The following SRSF4 variants were observed in gnomAD, a reference collection of about 807,000 sequenced individuals.
The protein encoded by SRSF4 is serine/arginine-rich splicing factor 4.
SRSF4 carries 12 observed loss-of-function variants against 48.8 expected under a neutral mutation model. That is an observed-to-expected ratio of 0.25 (90% CI 0.16 to 0.40). SRSF4 has a LOEUF of 0.40. SRSF4 is among the 10% of genes least tolerant of loss of function. The pLI is 1.00. For synonymous variants in SRSF4, 248 were observed against 232.5 expected (o/e 1.07, Z -0.61); for missense variants, 466 against 667.1 (o/e 0.70, Z 3.32).
In SRSF4 at chr1:29,148,486, G is replaced by A; in HGVS notation, c.1409C>T (p.Ser470Phe). 6.2e-7 allele frequency: 1 copy of A among 1,614,118 alleles called. No homozygotes were observed. The highest frequency in any genetic ancestry group is 1.3e-5 in the African/African-American group (1 of 75,050). The part of the protein sequence containing the change: ...SRSKSASKTR[S>F]RSKSRSRSAS... ...AGACCTGGATCTAGACTTGGACCGAGATCGGGTTTTTGAAGCTGACTTTGA... is the reference window on the plus strand; with the variant it reads ...AGACCTGGATCTAGACTTGGACCGAAATCGGGTTTTTGAAGCTGACTTTGA... Residue 470 changes from serine (S) to phenylalanine (F), a missense_variant, in exon 6 of 6, where the codon TCT (serine) becomes TTT (phenylalanine). By Grantham distance (155) the Ser-to-Phe change is radical. Transcript: ENST00000373795.
chr1:29,178,267 T>C (rs1385708213), intron 1 of SRSF4, among the ~76,000 whole-genome samples: 2 of 152,064 alleles, frequency 1.3e-5, no homozygotes, highest in African/African-American at 4.8e-5. Flanking sequence ...TATCTACTGA[T>C]ACATCTCACT....
intron 1 of SRSF4, among the ~76,000 whole-genome samples, chr1:29,161,846 G>A (rs1301523138): frequency 2.0e-5 from 3 of 152,190 alleles, no homozygotes; most frequent in Non-Finnish European, 4.4e-5. Flanking sequence ...GCCCTCCTGG[G>A]CCTCCCAAAG....
At chr1:29,159,583 A>G in intron 2 of SRSF4, 97 bp from the exon 3 acceptor site, 1 of 686,856 alleles carries the variant, frequency 1.5e-6, no homozygotes, top group South Asian at 2.0e-5. Context: ...ATTTACCCCC[A>G]CCCCAAACAA....
intron 1 of SRSF4, among the ~76,000 whole-genome samples, chr1:29,179,301 C>T (rs1367254945): frequency 1.3e-5 from 2 of 152,124 alleles, no homozygotes; most frequent in African/African-American, 4.8e-5. Context: ...GTCTTCAACA[C>T]CAATTATGAC....
Position 29,155,512 on chromosome 1 carries a change from CAG to C in SRSF4, c.364-604_364-603del, listed in dbSNP as rs1238226691. ...TCTAAATTTAAAAACAAACAAAAAA[CAG>C]AGTCTTGCTTTGTCGCTCAGGCAGC... On this transcript the variant is annotated intron_variant, in intron 3 of 5. Transcript: ENST00000373795. 2.6e-5 allele frequency among the ~76,000 whole-genome samples: 4 copies of C among 152,270 alleles called. No individual in the cohort carries two copies. In the South Asian group the frequency reaches 6.2e-4, roughly 24 times the overall value.
intron 1 of SRSF4, among the ~76,000 whole-genome samples, chr1:29,179,935 C>CA (rs1216995517): frequency 1.3e-5 from 2 of 152,216 alleles, no homozygotes; most frequent in African/African-American, 4.8e-5. Context: ...ACAGTCTTGT[C>CA]ATTTCCTGCA....
chr1:29,154,593 A>C, intron 4 of SRSF4, 103 bp downstream of exon 4: 1 of 1,097,092 alleles, frequency 9.1e-7, no homozygotes, highest in South Asian at 1.6e-5. Context: ...AACCAGATGG[A>C]ATCATGTTAT....
chr1:29,176,026 G>A (rs1331243706), intron 1 of SRSF4, among the ~76,000 whole-genome samples: 5 of 152,166 alleles, frequency 3.3e-5, no homozygotes, highest in Admixed American at 6.5e-5. Context: ...GCCGAGGCAG[G>A]TGGATCATGA....
intron 1 of SRSF4, among the ~76,000 whole-genome samples, chr1:29,180,839 T>C (rs1401857624): frequency 6.6e-6 from 1 of 152,224 alleles, no homozygotes; most frequent in Admixed American, 6.5e-5. Context: ...TAATAGATCA[T>C]ACTCTGGGGG....
At chr1:29,160,122 A>C (rs981113480) in intron 2 of SRSF4, 19 of 390,152 alleles carry the variant, frequency 4.9e-5, no homozygotes, top group East Asian at 2.8e-4. Flanking sequence ...ACAGAGAAAA[A>C]AACAACAACA....
chr1:29,161,950 CAGAATTGTGG>C (rs1672603597), intron 1 of SRSF4, among the ~76,000 whole-genome samples: 1 of 152,214 alleles, frequency 6.6e-6, no homozygotes, highest in African/African-American at 2.4e-5. Context: ...AGTGAGAACT[CAGAATTGTGG>C]AATTTTTCCT....
intron 1 of SRSF4, 32 bp downstream of exon 1, chr1:29,181,614 C>T: frequency 6.4e-7 from 1 of 1,551,916 alleles, no homozygotes; most frequent in Non-Finnish European, 8.7e-7. Context: ...GGTCTGTCCC[C>T]GCCCGGCCGG....
chr1:29,154,393 C>T (rs534148949), intron 4 of SRSF4: 13 of 298,028 alleles, frequency 4.4e-5, no homozygotes, highest in African/African-American at 2.2e-4. Flanking sequence ...GATGGGGTTT[C>T]ACCATATTGG....
intron 3 of SRSF4, among the ~76,000 whole-genome samples, chr1:29,155,242 A>C (rs956482788): frequency 2.6e-5 from 4 of 152,118 alleles, no homozygotes; most frequent in Non-Finnish European, 5.9e-5. Context: ...ACCAGCCTTG[A>C]CAACACAGAA....
chr1:29,173,996 C>T (rs955102741), intron 1 of SRSF4, among the ~76,000 whole-genome samples: 3 of 151,350 alleles, frequency 2.0e-5, no homozygotes, highest in African/African-American at 7.3e-5. Flanking sequence ...TGAGAACAGC[C>T]TGGCCAACAA....
At chr1:29,172,915 C>T (rs1574200968) in intron 1 of SRSF4, 2 of 151,948 alleles carry the variant, frequency 1.3e-5, no homozygotes, top group Admixed American at 1.3e-4. Flanking sequence ...CATAATATTG[C>T]CATACAATGG....
chr1:29,170,361 C>G (rs1304304564), intron 1 of SRSF4: 1 of 152,198 alleles, frequency 6.6e-6, no homozygotes, highest in Non-Finnish European at 1.5e-5. Flanking sequence ...AAGGTTTACA[C>G]TCTGCAGACA....
chr1:29,149,461 G>A (rs1351897059), intron 5 of SRSF4, among the ~76,000 whole-genome samples: 8 of 152,126 alleles, frequency 5.3e-5, no homozygotes, highest in South Asian at 2.1e-4. Flanking sequence ...CAGGCGGATC[G>A]CGAGGTCAGG....
chr1:29,162,938 A>G (rs1672620643), intron 1 of SRSF4, among the ~76,000 whole-genome samples: 1 of 152,202 alleles, frequency 6.6e-6, no homozygotes, highest in Non-Finnish European at 1.5e-5. Context: ...TCAGACCTAC[A>G]TGGTAATACA....
Sources: gnomAD v4.1 joint callset for allele counts (sites outside exome capture counted in the v4.1 genomes callset) on GRCh38, gnomAD v4.1.1 for gene constraint, MANE v1.5 for transcripts, NCBI Gene and HGNC (gene_info 2026-07-23, HGNC 2026-07-21) for gene names.